The following EXOC4 variants were observed in gnomAD, a reference collection of about 807,000 sequenced individuals.
The protein encoded by EXOC4 is exocyst complex component 4.
In EXOC4, 71 loss-of-function variants were observed where a neutral mutation model predicts 107.2. The ratio of observed to expected loss-of-function variants is 0.66; its 90% CI spans 0.55 to 0.81. The LOEUF is 0.81. EXOC4 is among the 30% of genes least tolerant of loss of function. The probability of loss-of-function intolerance (pLI) is 0.00; values close to 1 mark genes in which losing one functional copy is unlikely to be tolerated. For missense variants in EXOC4, 1,108 were observed against 1,189.6 expected (o/e 0.93, Z 1.01); for synonymous variants, 456 against 441.2 (o/e 1.03, Z -0.42).
At chr7:133,669,877 T>C (rs1439984339) in intron 10 of EXOC4, among the ~76,000 whole-genome samples, 4 of 152,240 alleles carry the variant, frequency 2.6e-5, no homozygotes, top group Non-Finnish European at 5.9e-5. Flanking sequence ...ATTATATTTT[T>C]ATATCAAAAC....
At chr7:133,408,262 T>C (rs1797271108) in intron 7 of EXOC4, among the ~76,000 whole-genome samples, 2 of 146,236 alleles carry the variant, frequency 1.4e-5, no homozygotes, top group Non-Finnish European at 3.0e-5. Flanking sequence ...GTGGGACTGG[T>C]GATCGTGGGG....
intron 10 of EXOC4, among the ~76,000 whole-genome samples, chr7:133,745,533 C>T (rs1429017848): frequency 1.3e-5 from 2 of 151,834 alleles, no homozygotes; most frequent in Non-Finnish European, 2.9e-5. Flanking sequence ...TAAATTATGT[C>T]TGTAAGGTAT....
intron 14 of EXOC4, among the ~76,000 whole-genome samples, chr7:133,994,892 T>C (rs967156844): frequency 1.3e-5 from 2 of 152,174 alleles, no homozygotes; most frequent in Admixed American, 1.3e-4. Context: ...TAATTGCTTT[T>C]GTGGTGTCTT....
chr7:134,024,080 C>T (rs1164645259), intron 17 of EXOC4, among the ~76,000 whole-genome samples: 3 of 152,182 alleles, frequency 2.0e-5, no homozygotes, highest in African/African-American at 7.2e-5. Flanking sequence ...GTACAAACCT[C>T]AATTCCCACA....
At chr7:133,935,367 G>T (rs1253010163) in intron 13 of EXOC4, among the ~76,000 whole-genome samples, 1 of 152,122 alleles carries the variant, frequency 6.6e-6, no homozygotes, top group Non-Finnish European at 1.5e-5. Flanking sequence ...ACTTGGTGGG[G>T]TTTTTTGTTT....
At chr7:134,081,012 T>C in the EXOC4 span, among the ~76,000 whole-genome samples, 10 of 152,092 alleles carry the variant, frequency 6.6e-5, no homozygotes, top group Admixed American at 2.0e-4. Flanking sequence ...CTTTAATTTT[T>C]CCTTCTAAAT....
chr7:134,020,829 TAC>T (rs1220571460), intron 17 of EXOC4, among the ~76,000 whole-genome samples: 1 of 151,958 alleles, frequency 6.6e-6, no homozygotes, highest in Non-Finnish European at 1.5e-5. Flanking sequence ...CTTCTAAAAC[TAC>T]AAAAATTAGC....
rs187489248 is a variant in EXOC4 at position 133,417,184 on chromosome 7, C to T, written c.1182+42182C>T. Reference sequence around the variant, plus strand: ...AATTTCCTTAATTGTTTGAACAGTTCTTTTATGGTTAAGTAATTCTTTTAA... The same window carrying T: ...AATTTCCTTAATTGTTTGAACAGTTTTTTTATGGTTAAGTAATTCTTTTAA... On this transcript the variant is annotated intron_variant, in intron 7 of 17. Coordinates refer to ENST00000253861, the MANE Select transcript of EXOC4 (RefSeq NM_021807.4). 6.4e-3 allele frequency among the ~76,000 whole-genome samples: 971 copies of T among 152,240 alleles called. 1 individual carries two copies. The highest frequency in any genetic ancestry group is 0.01 in the Non-Finnish European group (704 of 68,006).
chr7:134,072,895 C>A, the EXOC4 span, among the ~76,000 whole-genome samples: 2 of 151,966 alleles, frequency 1.3e-5, no homozygotes, highest in African/African-American at 4.8e-5. Flanking sequence ...CCGCTTACAG[C>A]GCTTCTTGGT....
intron 10 of EXOC4, among the ~76,000 whole-genome samples, chr7:133,705,525 C>T (rs767945173): frequency 6.6e-6 from 1 of 152,172 alleles, no homozygotes; most frequent in East Asian, 1.9e-4. Context: ...CTATCTGTGA[C>T]TTCAGTTACC....
intron 13 of EXOC4, among the ~76,000 whole-genome samples, chr7:133,924,875 A>G (rs1331961254): frequency 1.3e-5 from 2 of 152,262 alleles, no homozygotes; most frequent in Admixed American, 6.5e-5. Flanking sequence ...CTTGAAAAAC[A>G]AACTATATTT....
At chr7:133,836,859 T>C (rs1006869007) in intron 11 of EXOC4, among the ~76,000 whole-genome samples, 3 of 152,166 alleles carry the variant, frequency 2.0e-5, no homozygotes, top group African/African-American at 7.2e-5. Flanking sequence ...TTCATTTAGA[T>C]AATTATATTA....
chr7:134,093,774 T>C, the EXOC4 span, among the ~76,000 whole-genome samples: 4 of 152,062 alleles, frequency 2.6e-5, no homozygotes. Context: ...AAGAAGATTC[T>C]TCAAAACCAC....
intron 7 of EXOC4, among the ~76,000 whole-genome samples, chr7:133,446,440 T>C (rs564027638): frequency 1.3e-5 from 2 of 152,288 alleles, no homozygotes; most frequent in South Asian, 4.1e-4. Flanking sequence ...GTCTGTAAAA[T>C]GAAGATAGCT....
In EXOC4 at chr7:133,969,348, G is replaced by A. The variant is rs144865092; in HGVS notation, c.2207-28144G>A. Among the ~76,000 whole-genome samples, 332 of 152,226 alleles carry A rather than the reference G, an allele frequency of 2.2e-3. 2 individuals carry two copies. The Middle Eastern group carries it at 0.031, about 14-fold the overall frequency. On this transcript the variant is annotated intron_variant, in intron 14 of 17. Transcript: ENST00000253861. The stretch of plus-strand genomic sequence containing the variant: ...TTCTGAAGCCTACTTCTGTCAATTC[G>A]CCAAACTCATTCTCCATCCAGTTTT...
intron 17 of EXOC4, among the ~76,000 whole-genome samples, chr7:134,029,175 T>C (rs1795211610): frequency 6.6e-6 from 1 of 152,218 alleles, no homozygotes; most frequent in South Asian, 2.1e-4. Flanking sequence ...TCATTGTCTG[T>C]TTACATTATG....
At chr7:133,431,506 G>A (rs1563063297) in intron 7 of EXOC4, among the ~76,000 whole-genome samples, 1 of 152,320 alleles carries the variant, frequency 6.6e-6, no homozygotes, top group East Asian at 1.9e-4. Context: ...TTATCTGAAA[G>A]TGAGACAGGT....
chr7:133,646,312 GA>G (rs1802991059), intron 10 of EXOC4, among the ~76,000 whole-genome samples: 1 of 152,124 alleles, frequency 6.6e-6, no homozygotes, highest in South Asian at 2.1e-4. Context: ...TCATAGCTTG[GA>G]AAAGAGGAAG....
intron 15 of EXOC4, among the ~76,000 whole-genome samples, chr7:134,003,191 A>G (rs552230576): frequency 6.6e-6 from 1 of 152,302 alleles, no homozygotes; most frequent in South Asian, 2.1e-4. Context: ...TGAAAAAGCC[A>G]AACTCAAAAG....
Sources: allele counts gnomAD v4.1 joint callset (sites outside exome capture counted in the v4.1 genomes callset), GRCh38; gene constraint gnomAD v4.1.1; transcripts MANE v1.5; gene names NCBI Gene and HGNC (gene_info 2026-07-23, HGNC 2026-07-21).